HIVEP1: variants seen among roughly 807,000 people sequenced by gnomAD.
The protein encoded by HIVEP1 is HIVEP zinc finger 1.
A neutral mutation model predicts 180.0 loss-of-function variants in HIVEP1; 36 were observed. That is an observed-to-expected ratio of 0.20 (90% confidence interval 0.15 to 0.26). The LOEUF is 0.26. Ranked by LOEUF, HIVEP1 falls within the 10% of genes least tolerant of loss-of-function variation. The probability of loss-of-function intolerance (pLI) is 1.00; values close to 1 mark genes in which losing one functional copy is unlikely to be tolerated. For synonymous variants in HIVEP1, 1,239 were observed against 1,239.0 expected (o/e 1.00, Z 0.00); for missense variants, 3,143 against 3,268.7 (o/e 0.96, Z 0.94).
At chr6:12,101,583 A>G (rs1774115583) in intron 3 of HIVEP1, among the ~76,000 whole-genome samples, 1 of 152,030 alleles carries the variant, frequency 6.6e-6, no homozygotes. Context: ...TACAAAGGAA[A>G]TAATCAAAAA....
chr6:12,108,657 C>T (rs1220165645), intron 3 of HIVEP1, among the ~76,000 whole-genome samples: 4 of 152,222 alleles, frequency 2.6e-5, no homozygotes, highest in Non-Finnish European at 5.9e-5. Context: ...TTGCCCGGGG[C>T]CAGCAGGGCC....
rs1288707735 is a variant in HIVEP1 at position 12,164,725 on chromosome 6, A to T, written c.*264A>T. Reference sequence around the variant, plus strand: ...CTATATACATAAAAATATATTATATATGTATATGAAAACCAGGTAGTTATT... The same window carrying T: ...CTATATACATAAAAATATATTATATTTGTATATGAAAACCAGGTAGTTATT... On this transcript the variant is annotated 3_prime_UTR_variant, in exon 9 of 9. Transcript: ENST00000379388. The T allele has an allele frequency of 4.3e-6, 1 of 232,336 alleles. No individual in the cohort carries two copies. The highest frequency in any genetic ancestry group is 8.2e-6 in the Non-Finnish European group (1 of 121,346). 14.4% of individuals were successfully genotyped at this position (232,336 alleles called of 1,614,324 possible). A position where few individuals can be genotyped will look rare whatever the true frequency, so the allele number is the denominator to read the frequency against.
intron 2 of HIVEP1, among the ~76,000 whole-genome samples, chr6:12,019,961 T>C (rs979858360): frequency 3.9e-5 from 6 of 152,340 alleles, no homozygotes; most frequent in Non-Finnish European, 8.8e-5. Flanking sequence ...TGGAAGAGTA[T>C]AGAAAGTTTG....
At chr6:12,050,459 A>G (rs1363679895) in intron 2 of HIVEP1, among the ~76,000 whole-genome samples, 1 of 151,834 alleles carries the variant, frequency 6.6e-6, no homozygotes, top group Non-Finnish European at 1.5e-5. Context: ...AGTGGCAGGC[A>G]CCTGTAGTCC....
At position 12,028,423 on chromosome 6, in the gene HIVEP1, C is replaced by CAT. The variant is rs1015881885; in HGVS notation, c.40+12758_40+12759dup. On this transcript the variant is annotated intron_variant, in intron 2 of 8. Coordinates refer to ENST00000379388, the MANE Select transcript of HIVEP1 (RefSeq NM_002114.4). Reference sequence around the variant, plus strand: ...AGCATATAAGGAAATACTCAGTTAACATATGTAAGGAGATGTATGACTGCA... The same window carrying CAT: ...AGCATATAAGGAAATACTCAGTTAACATATATGTAAGGAGATGTATGACTGCA... Among the ~76,000 whole-genome samples the CAT allele has an allele frequency of 4.6e-5, 7 of 152,306 alleles. 1 individual carries two copies. Among genetic ancestry groups the CAT allele is most frequent in the African/African-American group, 1.7e-4 (7 of 41,566 alleles).
At chr6:12,034,227 CT>C (rs1184356448) in intron 2 of HIVEP1, among the ~76,000 whole-genome samples, 1 of 152,168 alleles carries the variant, frequency 6.6e-6, no homozygotes, top group African/African-American at 2.4e-5. Context: ...GAATCTTGTA[CT>C]TTTGTTAAAC....
Position 12,123,165 on chromosome 6 carries a change from A to G in HIVEP1, c.3370A>G (p.Ile1124Val). The change falls in exon 4 of 9, where the codon ATA (isoleucine) becomes GTA (valine). Residue 1124 changes from isoleucine (I) to valine (V), a missense_variant. Around this residue, in one of 12 missense-constraint regions of HIVEP1, gnomAD observed 1,357 missense variants for 1,260.5 expected, o/e 1.08. Coordinates refer to ENST00000379388, the MANE Select transcript of HIVEP1 (RefSeq NM_002114.4). Reference protein sequence around the residue: ...QQISSAAQDKIELQRHGTGIS... With the variant: ...QQISSAAQDKVELQRHGTGIS... ...GATAAGTTCAGCAGCCCAGGACAAG[A>G]TAGAACTGCAGAGACACGGAACTGG... 6.2e-7 allele frequency: 1 copy of G among 1,614,216 alleles called. No individual in the cohort carries two copies. The highest frequency in any genetic ancestry group is 1.1e-5 in the South Asian group (1 of 91,088).
At chr6:12,081,772 C>G (rs1400288542) in intron 2 of HIVEP1, among the ~76,000 whole-genome samples, 1 of 152,288 alleles carries the variant, frequency 6.6e-6, no homozygotes, top group South Asian at 2.1e-4. Flanking sequence ...CCTGCTCCTT[C>G]GCAGTTCACT....
intron 2 of HIVEP1, among the ~76,000 whole-genome samples, chr6:12,018,598 T>A (rs886970517): frequency 2.6e-5 from 4 of 151,422 alleles, no homozygotes; most frequent in African/African-American, 4.9e-5. Context: ...AGATAGGGAG[T>A]CATTATTTTG....
intron 2 of HIVEP1, among the ~76,000 whole-genome samples, chr6:12,044,572 C>G (rs959643728): frequency 6.6e-6 from 1 of 150,948 alleles, no homozygotes; most frequent in African/African-American, 2.4e-5. Flanking sequence ...GTGCCCCCCT[C>G]AAAGCCAGTG....
chr6:12,182,452 A>G, the HIVEP1 span, among the ~76,000 whole-genome samples: 2 of 152,204 alleles, frequency 1.3e-5, no homozygotes, highest in African/African-American at 2.4e-5. Context: ...ACTCTAAGAG[A>G]TCTATTGTCC....
chr6:12,076,022 T>C (rs1772328181), intron 2 of HIVEP1, among the ~76,000 whole-genome samples: 1 of 152,240 alleles, frequency 6.6e-6, no homozygotes, highest in Non-Finnish European at 1.5e-5. Context: ...TTGTATTCTT[T>C]TGATCTGTGG....
chr6:12,072,181 A>G (rs532420154), intron 2 of HIVEP1, among the ~76,000 whole-genome samples: 2 of 152,088 alleles, frequency 1.3e-5, no homozygotes, highest in South Asian at 2.1e-4. Context: ...GTCCCCTGCT[A>G]TGGTGCTTAT....
chr6:12,204,153 A>C, the HIVEP1 span, among the ~76,000 whole-genome samples: 2 of 152,148 alleles, frequency 1.3e-5, no homozygotes, highest in Admixed American at 1.3e-4. Flanking sequence ...GTGAGGAATG[A>C]AGAATGGAAG....
At chr6:12,176,628 C>G in the HIVEP1 span, among the ~76,000 whole-genome samples, 1 of 152,030 alleles carries the variant, frequency 6.6e-6, no homozygotes, top group Non-Finnish European at 1.5e-5. Flanking sequence ...ATGAAGAAAG[C>G]GATGTCCAAA....
chr6:12,144,310 G>A (rs1581777157), intron 7 of HIVEP1, among the ~76,000 whole-genome samples: 1 of 152,144 alleles, frequency 6.6e-6, no homozygotes, highest in African/African-American at 2.4e-5. Flanking sequence ...ACAGTGCTGG[G>A]AAAACTGGCT....
intron 7 of HIVEP1, among the ~76,000 whole-genome samples, chr6:12,146,460 T>C (rs1390580307): frequency 6.6e-6 from 1 of 152,058 alleles, no homozygotes; most frequent in Non-Finnish European, 1.5e-5. Context: ...ATAATAATAA[T>C]AGTAATTAGA....
chr6:12,013,556 G>A (rs895311255), intron 1 of HIVEP1, among the ~76,000 whole-genome samples: 34 of 152,286 alleles, frequency 2.2e-4, no homozygotes, highest in African/African-American at 7.7e-4. Context: ...TTATGCTCCG[G>A]ATCCCATGGG....
upstream of HIVEP1, among the ~76,000 whole-genome samples, chr6:12,010,989 G>T (rs937110843): frequency 2.0e-5 from 3 of 152,112 alleles, no homozygotes; most frequent in African/African-American, 4.8e-5. Context: ...TGTCAGGCTG[G>T]CAGGCAGGGG....
Sources: allele counts gnomAD v4.1 joint callset (sites outside exome capture counted in the v4.1 genomes callset), GRCh38; gene constraint gnomAD v4.1.1; regional missense constraint gnomAD v4.1.1; transcripts MANE v1.5; gene names NCBI Gene and HGNC (gene_info 2026-07-23, HGNC 2026-07-21).